The following LDB2 variants were observed in gnomAD, a reference collection of about 807,000 sequenced individuals.
LDB2 encodes LIM domain binding 2.
Under a neutral mutation model 44.3 loss-of-function variants are expected in LDB2, and 12 were observed. The ratio of observed to expected loss-of-function variants is 0.27; its 90% CI spans 0.17 to 0.44. The LOEUF (loss-of-function observed/expected upper bound fraction) is 0.44. Among genes scored for constraint, LDB2 ranks in the 20% least tolerant of loss-of-function variants. LDB2 has a pLI of 1.00. For synonymous variants in LDB2, 164 were observed against 174.8 expected, an observed-to-expected ratio of 0.94 and a Z score of 0.49; for missense variants, 344 against 473.5, an observed-to-expected ratio of 0.73 and a Z score of 2.54.
intron 2 of LDB2, among the ~76,000 whole-genome samples, chr4:16,654,980 GA>G (rs549594588): frequency 5.0e-4 from 75 of 149,472 alleles, no homozygotes; most frequent in African/African-American, 1.3e-3. Context: ...TACAAAAGCA[GA>G]AAAAAAAAAT....
intron 1 of LDB2, among the ~76,000 whole-genome samples, chr4:16,886,092 G>C (rs2110475386): frequency 6.6e-6 from 1 of 151,788 alleles, no homozygotes; most frequent in Non-Finnish European, 1.5e-5. Flanking sequence ...AGTGTCATGT[G>C]CCTGTAGTCC....
intron 5 of LDB2, among the ~76,000 whole-genome samples, chr4:16,561,086 C>A (rs1577723232): frequency 6.6e-6 from 1 of 152,090 alleles, no homozygotes; most frequent in East Asian, 1.9e-4. Flanking sequence ...TAAGAGCTAT[C>A]TATGACAAAC....
chr4:16,768,721 T>C (rs1194396288), intron 1 of LDB2, among the ~76,000 whole-genome samples: 1 of 152,202 alleles, frequency 6.6e-6, no homozygotes, highest in African/African-American at 2.4e-5. Flanking sequence ...CATGTTTATT[T>C]TGAATCAGCC....
intron 1 of LDB2, among the ~76,000 whole-genome samples, chr4:16,838,652 C>G (rs1785325906): frequency 6.6e-6 from 1 of 152,198 alleles, no homozygotes; most frequent in Non-Finnish European, 1.5e-5. Context: ...TGCTTTGGAG[C>G]TCCCAACACA....
At chr4:16,654,740 C>T (rs777683461) in intron 2 of LDB2, among the ~76,000 whole-genome samples, 3 of 152,096 alleles carry the variant, frequency 2.0e-5, no homozygotes, top group African/African-American at 7.2e-5. Context: ...ATAAGAAACC[C>T]TTGACTTATT....
chr4:16,873,751 T>C (rs968184925), intron 1 of LDB2, among the ~76,000 whole-genome samples: 1 of 152,210 alleles, frequency 6.6e-6, no homozygotes, highest in African/African-American at 2.4e-5. Context: ...GTATAATGTG[T>C]AAATCACAAA....
chr4:16,883,100 G>T (rs182943134), intron 1 of LDB2, among the ~76,000 whole-genome samples: 1 of 152,244 alleles, frequency 6.6e-6, no homozygotes, highest in Admixed American at 6.5e-5. Flanking sequence ...GCAAAACATG[G>T]TCCTCTCCAG....
intron 1 of LDB2, among the ~76,000 whole-genome samples, chr4:16,850,162 C>T (rs1464953116): frequency 1.3e-5 from 2 of 152,036 alleles, no homozygotes; most frequent in East Asian, 1.9e-4. Flanking sequence ...AGAAAGTCGG[C>T]GGCGCTTTCT....
At chr4:16,679,237 A>C (rs1247119953) in intron 2 of LDB2, among the ~76,000 whole-genome samples, 2 of 152,138 alleles carry the variant, frequency 1.3e-5, no homozygotes, top group African/African-American at 2.4e-5. Context: ...TGATTCTTTT[A>C]ATTTTTGATG....
At chr4:16,629,695 G>T (rs1731334546) in intron 2 of LDB2, among the ~76,000 whole-genome samples, 1 of 152,058 alleles carries the variant, frequency 6.6e-6, no homozygotes, top group Non-Finnish European at 1.5e-5. Flanking sequence ...CTTGAAAAAA[G>T]GTTAGAAGAA....
chr4:16,863,518 A>G (rs2110282031), intron 1 of LDB2, among the ~76,000 whole-genome samples: 1 of 152,328 alleles, frequency 6.6e-6, no homozygotes, highest in East Asian at 1.9e-4. Context: ...CCCACTTGAC[A>G]GTTACACCCT....
intron 2 of LDB2, among the ~76,000 whole-genome samples, chr4:16,688,698 A>G (rs890589397): frequency 6.6e-6 from 1 of 152,200 alleles, no homozygotes; most frequent in Non-Finnish European, 1.5e-5. Context: ...CTGAATTTCA[A>G]TGAGGTGCTG....
At chr4:16,712,093 C>T (rs1255806157) in intron 2 of LDB2, among the ~76,000 whole-genome samples, 1 of 152,096 alleles carries the variant, frequency 6.6e-6, no homozygotes, top group African/African-American at 2.4e-5. Flanking sequence ...AAAAATTGTG[C>T]TTCAAGAGAG....
chr4:16,565,676 T>G (rs1744239245), intron 5 of LDB2, among the ~76,000 whole-genome samples: 1 of 151,912 alleles, frequency 6.6e-6, no homozygotes, highest in Non-Finnish European at 1.5e-5. Flanking sequence ...ATATAAAAAT[T>G]TTAAAAGACT....
At chr4:16,603,389 G>T (rs1304684917) in intron 2 of LDB2, among the ~76,000 whole-genome samples, 1 of 152,156 alleles carries the variant, frequency 6.6e-6, no homozygotes, top group South Asian at 2.1e-4. Flanking sequence ...CACAGAGGGC[G>T]CAGCAAGAGA....
chr4:16,732,487 A>G (rs1450394466), intron 2 of LDB2, among the ~76,000 whole-genome samples: 2 of 152,224 alleles, frequency 1.3e-5, no homozygotes, highest in African/African-American at 4.8e-5. Flanking sequence ...AACAAATCAC[A>G]GTGGCTCAGT....
intron 1 of LDB2, among the ~76,000 whole-genome samples, chr4:16,782,622 T>C (rs1158225092): frequency 6.6e-6 from 1 of 152,198 alleles, no homozygotes; most frequent in Non-Finnish European, 1.5e-5. Flanking sequence ...AGTGTTGGCA[T>C]TACAGGCGTG....
intron 1 of LDB2, among the ~76,000 whole-genome samples, chr4:16,767,958 T>G: frequency 6.6e-6 from 1 of 152,174 alleles, no homozygotes; most frequent in East Asian, 1.9e-4. Flanking sequence ...CCATCCTAGA[T>G]TCTCTCCTGT....
chr4:16,801,943 C>T (rs1042402477), intron 1 of LDB2, among the ~76,000 whole-genome samples: 1 of 152,210 alleles, frequency 6.6e-6, no homozygotes, highest in Non-Finnish European at 1.5e-5. Context: ...ATTCCAGAAT[C>T]CTCTAACTCC....
Sources: gnomAD v4.1 joint callset for allele counts (sites outside exome capture counted in the v4.1 genomes callset) on GRCh38, gnomAD v4.1.1 for gene constraint, MANE v1.5 for transcripts, NCBI Gene and HGNC (gene_info 2026-07-23, HGNC 2026-07-21) for gene names.